UNC80: variants seen among roughly 807,000 people sequenced by gnomAD.
UNC80 encodes protein unc-80 homolog.
A neutral mutation model predicts 384.6 loss-of-function variants in UNC80; 164 were observed. The observed-to-expected ratio is 0.43, with a 90% CI of 0.38 to 0.49. UNC80 has a LOEUF of 0.49. Among genes scored for constraint, UNC80 ranks in the 20% least tolerant of loss-of-function variants. UNC80 has a pLI of 0.00. For missense variants in UNC80, 3,330 were observed against 4,143.0 expected (o/e 0.80, Z 5.39); for synonymous variants, 1,486 against 1,527.8 (o/e 0.97, Z 0.64).
At chr2:209,889,962 C>T (rs145231899) in intron 26 of UNC80, among the ~76,000 whole-genome samples, 85 of 152,250 alleles carry the variant, frequency 5.6e-4, no homozygotes, top group African/African-American at 1.7e-3. Context: ...CCACCTGCCT[C>T]GGCCTCCCAA....
In UNC80 at chr2:209,878,027, A is replaced by G; in HGVS notation, c.3914A>G (p.Tyr1305Cys). ...ESPANLLGLI[Y>C]DEETKRRLRK... Reference sequence around the variant, plus strand: ...CCAGCCAACCTGCTGGGTCTCATTTACGATGAAGAGACCAAGAGGAGACTT... The same window carrying G: ...CCAGCCAACCTGCTGGGTCTCATTTGCGATGAAGAGACCAAGAGGAGACTT... Residue 1305 changes from tyrosine to cysteine, a missense_variant, in exon 24 of 65, where the codon TAC (tyrosine) becomes TGC (cysteine). Physicochemically the swap from Tyr to Cys is radical, Grantham distance 194 (BLOSUM62 -2). This residue lies in a region of UNC80 where 801 missense variants were observed against 950.8 expected (regional missense o/e 0.84). Coordinates refer to ENST00000673920, the MANE Select transcript of UNC80 (RefSeq NM_001371986.1). 1 of 1,546,338 alleles carries G rather than the reference A, an allele frequency of 6.5e-7. No individual in the cohort carries two copies. The highest frequency in any genetic ancestry group is 1.2e-5 in the South Asian group (1 of 83,114).
intron 6 of UNC80, among the ~76,000 whole-genome samples, chr2:209,792,308 G>C (rs905365046): frequency 2.6e-5 from 4 of 152,090 alleles, no homozygotes; most frequent in African/African-American, 9.7e-5. Flanking sequence ...TTAAAAGAAA[G>C]AAGAAAAAAG....
At chr2:209,787,006 T>C (rs867313947) in intron 5 of UNC80, among the ~76,000 whole-genome samples, 1 of 104,696 alleles carries the variant, frequency 9.6e-6, no homozygotes, top group South Asian at 3.1e-4. Context: ...TATATATATA[T>C]ATATATATAT....
rs1029508363 is a variant in UNC80 at position 209,917,769 on chromosome 2, G to A, written c.5030-8G>A. 2.6e-6 allele frequency: 4 copies of A among 1,551,796 alleles called. No individual in the cohort carries two copies. The East Asian group carries it at 9.8e-5, about 38-fold the overall frequency. ...AAGCATAGCTGATGAATTGTTGACT[G>A]TCTCTAGCTGCCATGTTCCTGCTGT... On this transcript the variant is annotated splice_polypyrimidine_tract_variant and splice_region_variant and intron_variant, in intron 31 of 64. Transcript: ENST00000673920.
At chr2:209,926,499 A>G (rs2090445199) in intron 35 of UNC80, among the ~76,000 whole-genome samples, 1 of 152,224 alleles carries the variant, frequency 6.6e-6, no homozygotes, top group Non-Finnish European at 1.5e-5. Context: ...TACTGAGGCC[A>G]GATGCAGTGG....
intron 23 of UNC80, among the ~76,000 whole-genome samples, chr2:209,873,743 C>G (rs1445710018): frequency 1.3e-5 from 2 of 152,160 alleles, no homozygotes; most frequent in African/African-American, 2.4e-5. Context: ...ATAACTGTTA[C>G]AATTTCCGTT....
At chr2:209,878,457 A>G (rs1251418419) in intron 24 of UNC80, among the ~76,000 whole-genome samples, 7 of 152,180 alleles carry the variant, frequency 4.6e-5, no homozygotes, top group Non-Finnish European at 2.9e-5. Context: ...TGTGTTTTTT[A>G]TATTGCTCCA....
chr2:209,893,613 G>A (rs2086552231), intron 26 of UNC80, among the ~76,000 whole-genome samples: 1 of 152,102 alleles, frequency 6.6e-6, no homozygotes, highest in African/African-American at 2.4e-5. Context: ...TGAAAATGGA[G>A]CCATTTCACA....
At chr2:209,797,619 T>C (rs527307875) in intron 7 of UNC80, among the ~76,000 whole-genome samples, 96 of 152,344 alleles carry the variant, frequency 6.3e-4, no homozygotes, top group African/African-American at 2.3e-3. Context: ...TTGTAAATAG[T>C]GCTGCAATAA....
intron 58 of UNC80, among the ~76,000 whole-genome samples, 172 bp from the exon 59 acceptor site, chr2:209,978,357 C>G (rs2093064287): frequency 6.6e-6 from 1 of 152,164 alleles, no homozygotes; most frequent in Non-Finnish European, 1.5e-5. Context: ...AATATTGATT[C>G]TTTAAAATAA....
chr2:209,922,299 T>C lies in UNC80; in HGVS notation c.5578T>C (p.Ser1860Pro). ...LASRRLSVSP[S>P]CTSSTSHRNY... ...ATCCCGTCGACTGTCTGTGAGTCCA[T>C]CCTGCACCTCCAGCACTTCCCACAG... The change falls in exon 35 of 65, where the codon TCC becomes CCC. Residue 1860 changes from serine (S) to proline (P), a missense_variant. Physicochemically the swap from Ser to Pro is moderately conservative, Grantham distance 74. Transcript: ENST00000673920. 7 of 1,552,200 alleles carry C rather than the reference T, an allele frequency of 4.5e-6. No individual in the cohort carries two copies. Among genetic ancestry groups the C allele is most frequent in the Non-Finnish European group, 6.1e-6 (7 of 1,147,066 alleles).
chr2:209,828,511 T>A (rs1214844262), intron 14 of UNC80, among the ~76,000 whole-genome samples: 1 of 152,162 alleles, frequency 6.6e-6, no homozygotes, highest in Non-Finnish European at 1.5e-5. Flanking sequence ...AATCTTTTTT[T>A]TTTCTCTCTC....
rs1458132422 is a variant in UNC80 at position 209,976,315 on chromosome 2, G to T, written c.8772+12G>T. On this transcript the variant is annotated intron_variant, in intron 57 of 64. Transcript: ENST00000673920. This position sits in a 1 kb window ranked among gnomAD's most constrained non-coding sequence, Gnocchi z 4.3. ...TCATCCAGTGCAAGGTGTGGTGTGTGCTTCTCCTCCTGAAAGTGGCAAGCT... is the reference window on the plus strand; with the variant it reads ...TCATCCAGTGCAAGGTGTGGTGTGTTCTTCTCCTCCTGAAAGTGGCAAGCT... The T allele has an allele frequency of 6.4e-7, 1 of 1,551,540 alleles. No homozygotes were observed. Among genetic ancestry groups the T allele is most frequent in the East Asian group, 2.4e-5 (1 of 40,912 alleles).
chr2:209,812,216 ATTT>A (rs796729702), intron 7 of UNC80, among the ~76,000 whole-genome samples: 3 of 137,612 alleles, frequency 2.2e-5, no homozygotes, highest in African/African-American at 8.0e-5. Context: ...AGAGCGGCTA[ATTT>A]TTTTTTTTTT....
At chr2:209,878,236 TG>T in intron 24 of UNC80, 147 bp downstream of exon 24, 2 of 806,626 alleles carry the variant, frequency 2.5e-6, no homozygotes, top group Non-Finnish European at 3.5e-6. Context: ...TGTGCATGGG[TG>T]TAAAGCATGT....
At chr2:209,897,484 A>G (rs930858190) in intron 28 of UNC80, among the ~76,000 whole-genome samples, 1 of 152,096 alleles carries the variant, frequency 6.6e-6, no homozygotes, top group Non-Finnish European at 1.5e-5. Context: ...AGGTCCTCCA[A>G]TTTTGTTGTT....
At chr2:209,823,513 C>T (rs994137850) in intron 13 of UNC80, among the ~76,000 whole-genome samples, 4 of 152,088 alleles carry the variant, frequency 2.6e-5, no homozygotes, top group South Asian at 2.1e-4. Flanking sequence ...CCTCTGCTTT[C>T]GGAACCACTC....
rs911655034 is a variant in UNC80 at position 209,988,255 on chromosome 2, T to C, written c.9314+3343T>C. Among the ~76,000 whole-genome samples the C allele has an allele frequency of 2.6e-5, 4 of 152,208 alleles. No individual in the cohort carries two copies. The East Asian group carries it at 7.7e-4, about 29-fold the overall frequency. On this transcript the variant is annotated intron_variant, in intron 61 of 64. Transcript: ENST00000673920. Reference sequence around the variant, plus strand: ...GTAAACGATGATGCTGCATGTCTTTTGTGCCACCTCTACATTTCTCTAAAC... The same window carrying C: ...GTAAACGATGATGCTGCATGTCTTTCGTGCCACCTCTACATTTCTCTAAAC...
At chr2:209,788,040 A>G (rs1029515354) in intron 5 of UNC80, among the ~76,000 whole-genome samples, 1 of 152,174 alleles carries the variant, frequency 6.6e-6, no homozygotes, top group African/African-American at 2.4e-5. Context: ...GCCTAGGCTA[A>G]TGTGTGTGTT....
Sources: allele counts gnomAD v4.1 joint callset (sites outside exome capture counted in the v4.1 genomes callset), GRCh38; gene constraint gnomAD v4.1.1; regional missense constraint gnomAD v4.1.1; non-coding constraint Gnocchi (gnomAD v3.1); transcripts MANE v1.5; gene names NCBI Gene and HGNC (gene_info 2026-07-23, HGNC 2026-07-21).